Variants in RORA observed in about 807,000 individuals in gnomAD.
RORA encodes the protein nuclear receptor ROR-alpha.
A neutral mutation model predicts 69.5 loss-of-function variants in RORA; 7 were observed. That is an observed-to-expected ratio of 0.10 (90% confidence interval 0.06 to 0.19). The LOEUF (loss-of-function observed/expected upper bound fraction) is 0.19. Ranked by LOEUF, RORA falls within the 10% of genes least tolerant of loss-of-function variation. The pLI, the probability that RORA is intolerant of heterozygous loss-of-function variation, is 1.00. For synonymous variants in RORA, 261 were observed against 240.8 expected, an observed-to-expected ratio of 1.08 and a Z score of -0.78; for missense variants, 457 against 663.0, an observed-to-expected ratio of 0.69 and a Z score of 3.41.
chr15:60,605,846 C>G (rs368891230), intron 2 of RORA, among the ~76,000 whole-genome samples: 1 of 152,128 alleles, frequency 6.6e-6, no homozygotes, highest in Non-Finnish European at 1.5e-5. Flanking sequence ...CATTAGGAAC[C>G]TGACAACAGT....
intron 1 of RORA, among the ~76,000 whole-genome samples, chr15:61,211,230 G>A (rs1171903197): frequency 1.3e-5 from 2 of 149,134 alleles, no homozygotes; most frequent in Non-Finnish European, 3.0e-5. Flanking sequence ...GGGTCTGAGT[G>A]TATAACTGGA....
chr15:61,209,483 C>T (rs187527268), intron 1 of RORA, among the ~76,000 whole-genome samples: 2 of 152,290 alleles, frequency 1.3e-5, no homozygotes, highest in African/African-American at 2.4e-5. Flanking sequence ...ACCAACCACC[C>T]TGTAAATTAT....
At position 61,147,766 on chromosome 15, in the gene RORA, C is replaced by CGCGTGTGTGTGTGTGT. The variant is rs375270045; in HGVS notation, c.166+81286_166+81287insACACACACACACACGC. Among the ~76,000 whole-genome samples, 12 of 147,700 alleles carry CGCGTGTGTGTGTGTGT rather than the reference C, an allele frequency of 8.1e-5. No individual in the cohort carries two copies. The highest frequency in any genetic ancestry group is 2.2e-4 in the South Asian group (1 of 4,554). Reference sequence around the variant, plus strand: ...TGGTCAGTAGGCACGTGCGCACACGCGTGTGTGTGTGTGTGTGTGTGTGTG... The same window carrying CGCGTGTGTGTGTGTGT: ...TGGTCAGTAGGCACGTGCGCACACGCGCGTGTGTGTGTGTGTGTGTGTGTGTGTGTGTGTGTGTGTG... On this transcript the variant is annotated intron_variant, in intron 1 of 10. Transcript: ENST00000335670. The surrounding 1 kb of genome is among the most constrained non-coding windows in gnomAD (Gnocchi z 4.1).
chr15:61,227,426 C>T (rs1002404759), intron 1 of RORA, among the ~76,000 whole-genome samples: 2 of 152,134 alleles, frequency 1.3e-5, no homozygotes, highest in Non-Finnish European at 2.9e-5. Flanking sequence ...CAGCCCTCGC[C>T]GCCCCCCTCC....
In RORA at chr15:60,734,911, G is replaced by A. The variant is rs144345706; in HGVS notation, c.167-56225C>T. Among the ~76,000 whole-genome samples the A allele has an allele frequency of 2.0e-5, 3 of 152,230 alleles. No individual in the cohort carries two copies. The East Asian group carries it at 5.8e-4, about 29-fold the overall frequency. On this transcript the variant is annotated intron_variant, in intron 1 of 10. Coordinates refer to ENST00000335670, the MANE Select transcript of RORA (RefSeq NM_134261.3). Reference sequence around the variant, plus strand: ...TATTTGTTTCTAGCCTGCTTTTATTGTTTCATTTTATCTGCTATTTGCACT... The same window carrying A: ...TATTTGTTTCTAGCCTGCTTTTATTATTTCATTTTATCTGCTATTTGCACT...
intron 1 of RORA, among the ~76,000 whole-genome samples, chr15:61,212,100 G>A (rs2140937976): frequency 6.6e-6 from 1 of 152,008 alleles, no homozygotes; most frequent in Non-Finnish European, 1.5e-5. Flanking sequence ...CCTCTCCTAC[G>A]AAGTCTTCCT....
chr15:60,883,079 C>T (rs1290272622), intron 1 of RORA, among the ~76,000 whole-genome samples: 4 of 119,774 alleles, frequency 3.3e-5, no homozygotes, highest in Non-Finnish European at 4.8e-5. Flanking sequence ...TGCAGTGAGC[C>T]GAGATCAAGC....
At chr15:61,154,004 G>A (rs1010717511) in intron 1 of RORA, among the ~76,000 whole-genome samples, 13 of 152,172 alleles carry the variant, frequency 8.5e-5, no homozygotes, top group African/African-American at 3.1e-4. Context: ...CGAAGCAGGT[G>A]GTTCTGCTTG....
rs73430079 is a variant in RORA at position 60,889,262 on chromosome 15, G to A, written c.167-210576C>T. Among the ~76,000 whole-genome samples the A allele has an allele frequency of 3.8e-3, 578 of 151,784 alleles. 1 individual carries two copies. Among genetic ancestry groups the A allele is most frequent in the African/African-American group, 0.013 (553 of 41,500 alleles). ...AGCACAGAGAGGGGGTTCACTCAGT[G>A]CTTGTGCAGGGACTGACATCTAGGC... On this transcript the variant is annotated intron_variant, in intron 1 of 10. Coordinates refer to ENST00000335670, the MANE Select transcript of RORA (RefSeq NM_134261.3).
intron 1 of RORA, among the ~76,000 whole-genome samples, chr15:60,740,792 C>T (rs1395640201): frequency 1.3e-5 from 2 of 151,196 alleles, no homozygotes; most frequent in Admixed American, 1.3e-4. Flanking sequence ...CTTCATAGAG[C>T]CTCTCTCTCT....
chr15:60,939,443 C>T (rs536571885), intron 1 of RORA, among the ~76,000 whole-genome samples: 46 of 152,308 alleles, frequency 3.0e-4, no homozygotes, highest in Admixed American at 7.2e-4. Context: ...CAGGGACGCA[C>T]GTGCTCACTT....
chr15:60,581,998 G>A (rs1236807749), intron 2 of RORA, among the ~76,000 whole-genome samples: 1 of 152,048 alleles, frequency 6.6e-6, no homozygotes, highest in African/African-American at 2.4e-5. Flanking sequence ...AAATTACTGT[G>A]GTACGCAATG....
intron 1 of RORA, among the ~76,000 whole-genome samples, chr15:60,816,942 G>T (rs1359502190): frequency 6.6e-6 from 1 of 151,964 alleles, no homozygotes; most frequent in Non-Finnish European, 1.5e-5. Flanking sequence ...AGTAGTGTAT[G>T]CATTCTAGCT....
chr15:61,135,793 G>C (rs775625234), intron 1 of RORA, among the ~76,000 whole-genome samples: 1 of 152,162 alleles, frequency 6.6e-6, no homozygotes, highest in Non-Finnish European at 1.5e-5. Context: ...GAGCATCACT[G>C]ACAGCCAAAC....
chr15:60,643,884 C>T (rs141526965), intron 2 of RORA, among the ~76,000 whole-genome samples: 8 of 152,218 alleles, frequency 5.3e-5, no homozygotes, highest in African/African-American at 1.7e-4. Flanking sequence ...AAATAAAAAA[C>T]TGAGAAGGAA....
intron 1 of RORA, among the ~76,000 whole-genome samples, chr15:60,744,547 C>T (rs1220042359): frequency 3.3e-5 from 5 of 152,166 alleles, no homozygotes; most frequent in Non-Finnish European, 7.4e-5. Context: ...ATGTCACTTA[C>T]GCTCCCTGAG....
Position 60,893,603 on chromosome 15 carries a change from T to G in RORA, c.167-214917A>C, listed in dbSNP as rs181940145. 4.6e-5 allele frequency among the ~76,000 whole-genome samples: 7 copies of G among 152,208 alleles called. 1 individual carries two copies. Among genetic ancestry groups the G allele is most frequent in the Admixed American group, 3.9e-4 (6 of 15,284 alleles). ...CGTTTGTCTGGGTGTGTGTGTGCGT[T>G]TTTAAAAAATTTTAAATTTTGGATA... On this transcript the variant is annotated intron_variant, in intron 1 of 10. Transcript: ENST00000335670.
intron 1 of RORA, among the ~76,000 whole-genome samples, chr15:60,741,367 A>G (rs992105960): frequency 2.6e-5 from 4 of 152,196 alleles, no homozygotes; most frequent in Admixed American, 2.0e-4. Flanking sequence ...TACTCTGTTC[A>G]TATGATCTCT....
chr15:61,067,301 G>A (rs1056183826), intron 1 of RORA, among the ~76,000 whole-genome samples: 2 of 151,642 alleles, frequency 1.3e-5, no homozygotes, highest in Non-Finnish European at 2.9e-5. Context: ...TAGTAGAGAC[G>A]GGGTTTTACT....
Sources: gnomAD v4.1 joint callset for allele counts (sites outside exome capture counted in the v4.1 genomes callset) on GRCh38, gnomAD v4.1.1 for gene constraint, Gnocchi (gnomAD v3.1) non-coding constraint, MANE v1.5 for transcripts, NCBI Gene and HGNC (gene_info 2026-07-23, HGNC 2026-07-21) for gene names.